The following MTR variants were observed in gnomAD, a reference collection of about 807,000 sequenced individuals.
The protein encoded by MTR is 5-methyltetrahydrofolate-homocysteine methyltransferase, also known as methionine synthase.
Under a neutral mutation model 154.8 loss-of-function variants are expected in MTR, and 84 were observed. The ratio of observed to expected loss-of-function variants is 0.54; its 90% CI spans 0.45 to 0.65. The LOEUF is 0.65. Ranked by LOEUF, MTR falls within the 30% of genes least tolerant of loss-of-function variation. The pLI, the probability that MTR is intolerant of heterozygous loss-of-function variation, is 0.00. For synonymous variants in MTR, 554 were observed against 553.9 expected (o/e 1.00, Z 0.00); for missense variants, 1,275 against 1,570.2 (o/e 0.81, Z 3.18).
chr1:236,862,096 G>A, intron 20 of MTR, 140 bp from the exon 21 acceptor site: 1 of 758,690 alleles, frequency 1.3e-6, no homozygotes, highest in Non-Finnish European at 2.4e-6. Flanking sequence ...CCTTTGTTCT[G>A]CCTACTGTCA....
In MTR at chr1:236,895,539, A is replaced by G; in HGVS notation, c.3587A>G (p.Glu1196Gly). Residue 1196 changes from glutamate to glycine, a missense_variant, in exon 31 of 33, where the codon GAG becomes GGG. Glu to Gly is a moderately conservative substitution (Grantham distance 98, BLOSUM62 -2). Transcript: ENST00000366577. Reference sequence around the variant, plus strand: ...ACCATGTGGAGACTCGCAGACATCGAGCAGTCTACAGGTAGGAGCCAGGAG... The same window carrying G: ...ACCATGTGGAGACTCGCAGACATCGGGCAGTCTACAGGTAGGAGCCAGGAG... ...KLTMWRLADIEQSTGIRLTES... is the reference protein window; with the variant it reads ...KLTMWRLADIGQSTGIRLTES... 1 of 1,571,728 alleles carries G rather than the reference A, an allele frequency of 6.4e-7. No homozygotes were observed. The highest frequency in any genetic ancestry group is 1.2e-5 in the South Asian group (1 of 85,574).
chr1:236,816,075 C>T (rs753873887), intron 7 of MTR, among the ~76,000 whole-genome samples: 1 of 152,120 alleles, frequency 6.6e-6, no homozygotes, highest in South Asian at 2.1e-4. Context: ...TGGTGAGAAG[C>T]GAATTGAATC....
At chr1:236,869,786 G>A (rs1665023512) in intron 22 of MTR, among the ~76,000 whole-genome samples, 1 of 152,096 alleles carries the variant, frequency 6.6e-6, no homozygotes, top group South Asian at 2.1e-4. Flanking sequence ...CCTCTTCTCC[G>A]ACTTCACATA....
Position 236,808,705 on chromosome 1 carries a change from C to T in MTR, c.341C>T (p.Ala114Val), listed in dbSNP as rs775926869. The change falls in exon 4 of 33, where the codon GCC becomes GTC. Residue 114 changes from alanine to valine, a missense_variant and splice_region_variant. Ala to Val is a moderately conservative substitution (Grantham distance 64). Transcript: ENST00000366577. ...AQADYGLEHL[A>V]YRMNMCSAGV... Reference sequence around the variant, plus strand: ...TAACGTTTGTGGTTGATACGTTAGGCCTACCGGATGAACATGTGCTCTGCA... The same window carrying T: ...TAACGTTTGTGGTTGATACGTTAGGTCTACCGGATGAACATGTGCTCTGCA... The T allele has an allele frequency of 5.6e-6, 9 of 1,614,104 alleles. No homozygotes were observed. The highest frequency in any genetic ancestry group is 1.7e-5 in the Admixed American group (1 of 60,018).
At chr1:236,805,488 G>A (rs1660928606) in intron 2 of MTR, among the ~76,000 whole-genome samples, 1 of 152,058 alleles carries the variant, frequency 6.6e-6, no homozygotes, top group South Asian at 2.1e-4. Context: ...TCTTTTTGGT[G>A]TTGTTTTTTT....
In MTR at chr1:236,838,603, A is replaced by G. The variant is rs1663042685; in HGVS notation, c.1515+4A>G. ...GGCTTTTGATGAAGAAGGACAGGTGAGTGGTTTCTTTTGGCCTAATCCATT... is the reference window on the plus strand; with the variant it reads ...GGCTTTTGATGAAGAAGGACAGGTGGGTGGTTTCTTTTGGCCTAATCCATT... On this transcript the variant is annotated splice_donor_region_variant and intron_variant, in intron 15 of 32. Transcript: ENST00000366577. 1.2e-6 allele frequency: 2 copies of G among 1,613,926 alleles called. No homozygotes were observed. Among genetic ancestry groups the G allele is most frequent in the Non-Finnish European group, 1.7e-6 (2 of 1,179,968 alleles).
rs557777496 is a variant in MTR at position 236,861,200 on chromosome 1, A to G, written c.2119A>G (p.Ile707Val). 3 of 1,612,766 alleles carry G rather than the reference A, an allele frequency of 1.9e-6. No individual in the cohort carries two copies. In the African/African-American group the frequency reaches 4.0e-5, roughly 22 times the overall value. Residue 707 changes from isoleucine to valine, a missense_variant, in exon 20 of 33, where the codon ATA (isoleucine) becomes GTA (valine). Transcript: ENST00000366577. ...NQKKYPRPLN[I>V]IEGPLMNGMK... ...AAAAAAATATCCCCGACCTCTCAATATAATTGAAGGACCCCTGATGAATGG... is the reference window on the plus strand; with the variant it reads ...AAAAAAATATCCCCGACCTCTCAATGTAATTGAAGGACCCCTGATGAATGG...
intron 10 of MTR, 127 bp from the exon 11 acceptor site, chr1:236,826,702 T>C: frequency 1.3e-6 from 1 of 758,586 alleles, no homozygotes; most frequent in South Asian, 1.4e-5. Context: ...GAGTTAAGTA[T>C]GTTTGACTCT....
Position 236,812,727 on chromosome 1 carries a change from A to AT in MTR, c.503-5dup. 1 of 1,612,338 alleles carries AT rather than the reference A, an allele frequency of 6.2e-7. No individual in the cohort carries two copies. The highest frequency in any genetic ancestry group is 2.2e-5 in the East Asian group (1 of 44,870). On this transcript the variant is annotated splice_polypyrimidine_tract_variant and intron_variant, in intron 5 of 32. Coordinates refer to ENST00000366577, the MANE Select transcript of MTR (RefSeq NM_000254.3). ...ATGACTGATGTGCTGGGTGTGATTTATTTTTTGCAGCATTTGATGAGCTTG... is the reference window on the plus strand; with the variant it reads ...ATGACTGATGTGCTGGGTGTGATTTATTTTTTTGCAGCATTTGATGAGCTTG...
chr1:236,795,531 G>A lies in MTR; in HGVS notation c.-173G>A, dbSNP rs3738548. 9.5e-5 allele frequency: 145 copies of A among 1,530,420 alleles called. No individual in the cohort carries two copies. The highest frequency in any genetic ancestry group is 7.9e-4 in the East Asian group (32 of 40,628). 94.8% of individuals were successfully genotyped at this position (1,530,420 alleles called of 1,614,324 possible). The stretch of plus-strand genomic sequence containing the variant: ...CGAGAGAGGCCCTAGGGCGCTGCGG[G>A]CTTTCGGGGTCCGCAGTCCCCCCGC... On this transcript the variant is annotated 5_prime_UTR_variant, in exon 1 of 33. Coordinates refer to ENST00000366577, the MANE Select transcript of MTR (RefSeq NM_000254.3).
chr1:236,819,751 A>G (rs551893845), intron 8 of MTR: 5 of 745,494 alleles, frequency 6.7e-6, no homozygotes, highest in Admixed American at 1.7e-5. Flanking sequence ...CAGTACATCT[A>G]TAAAAGGAAA....
chr1:236,897,232 C>T, intron 32 of MTR, 114 bp downstream of exon 32: 1 of 877,914 alleles, frequency 1.1e-6, no homozygotes, highest in South Asian at 1.3e-5. Context: ...AAGAAATTTA[C>T]TCCAGTTAAT....
At chr1:236,892,013 T>TC (rs982702933) in intron 29 of MTR, among the ~76,000 whole-genome samples, 1 of 151,738 alleles carries the variant, frequency 6.6e-6, no homozygotes, top group Admixed American at 6.6e-5. Context: ...TTGTCTCTCA[T>TC]CCCCCCCACC....
Position 236,795,348 on chromosome 1 carries a change from C to T in MTR, c.-356C>T, listed in dbSNP as rs1382434014. ...GTCTGCGGGGCTCAGAGCCGGATGTCACGTCGTCCTCCTCTGCCGGTTTTC... is the reference window on the plus strand; with the variant it reads ...GTCTGCGGGGCTCAGAGCCGGATGTTACGTCGTCCTCCTCTGCCGGTTTTC... On this transcript the variant is annotated 5_prime_UTR_variant, in exon 1 of 33. Transcript: ENST00000366577. 4.5e-6 allele frequency: 6 copies of T among 1,330,224 alleles called. No homozygotes were observed. Among genetic ancestry groups the T allele is most frequent in the Non-Finnish European group, 5.9e-6 (6 of 1,016,864 alleles). 82.4% of individuals were successfully genotyped at this position (1,330,224 alleles called of 1,614,324 possible).
chr1:236,835,409 C>T lies in MTR; in HGVS notation c.1189-138C>T, dbSNP rs1465804187. ...TTTGTGATGAGTGATGGGTGGACAGCAGGCCCGGAGTCAGGGAGTCTGGCG... is the reference window on the plus strand; with the variant it reads ...TTTGTGATGAGTGATGGGTGGACAGTAGGCCCGGAGTCAGGGAGTCTGGCG... On this transcript the variant is annotated intron_variant, in intron 13 of 32. Transcript: ENST00000366577. 28 of 963,468 alleles carry T rather than the reference C, an allele frequency of 2.9e-5. 1 individual carries two copies. Among genetic ancestry groups the T allele is most frequent in the Non-Finnish European group, 4.3e-5 (26 of 604,046 alleles). 59.7% of individuals were successfully genotyped at this position (963,468 alleles called of 1,614,324 possible).
At position 236,858,400 on chromosome 1, in the gene MTR, C is replaced by T. The variant is rs115429157; in HGVS notation, c.1954-1433C>T. 4.2e-3 allele frequency among the ~76,000 whole-genome samples: 640 copies of T among 152,256 alleles called. 10 individuals carry two copies. Among genetic ancestry groups the T allele is most frequent in the African/African-American group, 0.015 (605 of 41,550 alleles). ...GTTACCTCCCACTGGGTCCCTCCCA[C>T]GACGTGTGGGAATTGTGGGAGCTAC... On this transcript the variant is annotated intron_variant, in intron 18 of 32. Transcript: ENST00000366577.
intron 24 of MTR, among the ~76,000 whole-genome samples, chr1:236,875,844 AAG>A (rs886338348): frequency 2.1e-4 from 32 of 150,444 alleles, no homozygotes; most frequent in African/African-American, 6.5e-4. Context: ...TATAGAGAGA[AAG>A]AGATTTATTT....
At chr1:236,881,039 A>G (rs1250984756) in intron 25 of MTR, among the ~76,000 whole-genome samples, 1 of 152,170 alleles carries the variant, frequency 6.6e-6, no homozygotes, top group Non-Finnish European at 1.5e-5. Flanking sequence ...TTCAAAGACA[A>G]TTACAGAACT....
chr1:236,820,358 G>A (rs1033284792), intron 8 of MTR: 8 of 764,588 alleles, frequency 1.0e-5, no homozygotes, highest in Admixed American at 8.6e-5. Context: ...ACTGCTACTC[G>A]GCCTGAGGTT....
Sources: gnomAD v4.1 joint callset for allele counts (sites outside exome capture counted in the v4.1 genomes callset) on GRCh38, gnomAD v4.1.1 for gene constraint, MANE v1.5 for transcripts, NCBI Gene and HGNC (gene_info 2026-07-23, HGNC 2026-07-21) for gene names.